CLVS2: variants seen among roughly 807,000 people sequenced by gnomAD.
CLVS2 encodes clavesin 2, also known as clavesin-2.
Under a neutral mutation model 29.0 loss-of-function variants are expected in CLVS2, and 19 were observed. The ratio of observed to expected loss-of-function variants is 0.66; its 90% CI spans 0.46 to 0.96. The LOEUF (loss-of-function observed/expected upper bound fraction) is 0.96. CLVS2 is among the 40% of genes least tolerant of loss of function. The probability of loss-of-function intolerance (pLI) is 0.00; values close to 1 mark genes in which losing one functional copy is unlikely to be tolerated. For synonymous variants in CLVS2, 161 were observed against 151.3 expected (o/e 1.06, Z -0.47); for missense variants, 294 against 404.1 (o/e 0.73, Z 2.34).
intron 3 of CLVS2, among the ~76,000 whole-genome samples, chr6:123,024,404 T>C (rs1431785943): frequency 2.6e-5 from 4 of 152,158 alleles, no homozygotes; most frequent in Admixed American, 1.3e-4. Context: ...ACATGATTAA[T>C]ATACACATAT....
chr6:123,068,725 A>AT lies in CLVS2; in HGVS notation c.*4969dup, dbSNP rs776404196. On this transcript the variant is annotated 3_prime_UTR_variant, in exon 6 of 6. Transcript: ENST00000275162. ...TTGCTATTTTACTCAAATGTTATTA[A>AT]TTTTTACTACTACAAACTACTTATT... is the stretch of plus-strand genomic sequence containing the variant. 2.0e-5 allele frequency: 3 copies of AT among 151,742 alleles called. No individual in the cohort carries two copies. Among genetic ancestry groups the AT allele is most frequent in the African/African-American group, 4.8e-5 (2 of 41,410 alleles). 9.4% of individuals were successfully genotyped at this position (151,742 alleles called of 1,614,324 possible). A position where few individuals can be genotyped will look rare whatever the true frequency, so the allele number is the denominator to read the frequency against.
chr6:123,017,875 G>A (rs1454148032), intron 3 of CLVS2, among the ~76,000 whole-genome samples: 1 of 151,990 alleles, frequency 6.6e-6, no homozygotes, highest in East Asian at 1.9e-4. Flanking sequence ...TCTAGTTGTA[G>A]GAAGCAGGTG....
chr6:123,018,156 A>G (rs1292240640), intron 3 of CLVS2, among the ~76,000 whole-genome samples: 1 of 152,146 alleles, frequency 6.6e-6, no homozygotes, highest in African/African-American at 2.4e-5. Context: ...TGAACAAAGC[A>G]TATGAACTAC....
intron 4 of CLVS2, among the ~76,000 whole-genome samples, chr6:123,049,112 G>T (rs561752586): frequency 5.9e-5 from 9 of 152,152 alleles, no homozygotes; most frequent in Non-Finnish European, 1.2e-4. Flanking sequence ...TTTTTTCACA[G>T]TATGTACCGC....
rs764182028 is a variant in CLVS2, at chr6:122,998,014, G to C, written c.237G>C (p.Arg79=). The part of the protein sequence containing the change: ...FRLLAQYFEY[R]QQNLDMFKSF... ...TCCTGGCGCAGTACTTTGAGTACCG[G>C]CAGCAGAACCTGGACATGTTCAAAA... The change falls in exon 2 of 6, where the codon CGG becomes CGC. Residue 79 remains arginine, a synonymous_variant. Transcript: ENST00000275162. 1.2e-6 allele frequency: 2 copies of C among 1,614,058 alleles called. No individual in the cohort carries two copies. Among genetic ancestry groups the C allele is most frequent in the African/African-American group, 2.7e-5 (2 of 74,922 alleles).
chr6:123,050,701 C>T (rs1392845401), intron 4 of CLVS2, among the ~76,000 whole-genome samples: 4 of 151,992 alleles, frequency 2.6e-5, no homozygotes, highest in East Asian at 1.9e-4. Context: ...TGTACCAGAT[C>T]GCACAGGGAC....
chr6:123,033,361 G>A (rs1294949197), intron 3 of CLVS2, among the ~76,000 whole-genome samples: 1 of 151,984 alleles, frequency 6.6e-6, no homozygotes, highest in Non-Finnish European at 1.5e-5. Flanking sequence ...AACTAACAAT[G>A]GGATAAACAT....
intron 3 of CLVS2, among the ~76,000 whole-genome samples, chr6:123,047,769 A>C (rs948565496): frequency 1.3e-5 from 2 of 151,940 alleles, no homozygotes; most frequent in African/African-American, 4.8e-5. Flanking sequence ...TTTAAAGAAG[A>C]CCTTTGTAGT....
intron 3 of CLVS2, among the ~76,000 whole-genome samples, chr6:123,028,447 C>T (rs977990207): frequency 1.3e-5 from 2 of 152,128 alleles, no homozygotes; most frequent in Admixed American, 6.6e-5. Flanking sequence ...ATTGCTTGAG[C>T]CCAAAAGTCC....
chr6:123,049,233 TA>T (rs1367016227), intron 4 of CLVS2, among the ~76,000 whole-genome samples: 5 of 152,172 alleles, frequency 3.3e-5, no homozygotes, highest in African/African-American at 1.2e-4. Context: ...AATATTTCTT[TA>T]AATTATATGT....
chr6:123,029,252 A>G (rs1775048110), intron 3 of CLVS2, among the ~76,000 whole-genome samples: 1 of 152,226 alleles, frequency 6.6e-6, no homozygotes, highest in South Asian at 2.1e-4. Flanking sequence ...AGTGTGGTAC[A>G]CATTTCCCAC....
chr6:123,034,862 C>G (rs898324501), intron 3 of CLVS2, among the ~76,000 whole-genome samples: 1 of 151,782 alleles, frequency 6.6e-6, no homozygotes, highest in South Asian at 2.1e-4. Context: ...TCAGTTTTTG[C>G]AACTTCCTGT....
chr6:123,041,972 A>C (rs556983629), intron 3 of CLVS2, among the ~76,000 whole-genome samples: 5 of 152,324 alleles, frequency 3.3e-5, no homozygotes, highest in Admixed American at 2.0e-4. Context: ...AATATTCTAA[A>C]AAAAGTTACC....
chr6:123,023,460 T>C (rs1346477467), intron 3 of CLVS2, among the ~76,000 whole-genome samples: 2 of 152,044 alleles, frequency 1.3e-5, no homozygotes, highest in East Asian at 3.9e-4. Flanking sequence ...AATTATCCCC[T>C]CCCTTTTCTT....
At chr6:123,056,883 A>C (rs545519357) in intron 5 of CLVS2, among the ~76,000 whole-genome samples, 1 of 152,294 alleles carries the variant, frequency 6.6e-6, no homozygotes, top group Non-Finnish European at 1.5e-5. Flanking sequence ...GGTACAAAAC[A>C]TTGTATTTCA....
chr6:122,996,896 T>G, intron 1 of CLVS2, 150 bp downstream of exon 1: 2 of 137,212 alleles, frequency 1.5e-5, no homozygotes, highest in South Asian at 2.6e-4. Flanking sequence ...TCCCTCCCCC[T>G]CCCCCCTTTT....
intron 5 of CLVS2, among the ~76,000 whole-genome samples, chr6:123,058,567 C>T (rs943584995): frequency 1.3e-5 from 2 of 152,216 alleles, no homozygotes; most frequent in African/African-American, 4.8e-5. Flanking sequence ...TGCTCCCCTA[C>T]TCCCAATTTA....
At chr6:123,006,999 A>G (rs1028825736) in intron 2 of CLVS2, among the ~76,000 whole-genome samples, 1 of 152,214 alleles carries the variant, frequency 6.6e-6, no homozygotes, top group Admixed American at 6.5e-5. Flanking sequence ...CACAGAACCA[A>G]ATAGAAGAGT....
intron 3 of CLVS2, among the ~76,000 whole-genome samples, chr6:123,029,236 T>G (rs902569756): frequency 6.6e-6 from 1 of 152,218 alleles, no homozygotes; most frequent in African/African-American, 2.4e-5. Flanking sequence ...CACTTGTGTT[T>G]TGATCAGTGT....
Sources: allele counts gnomAD v4.1 joint callset (sites outside exome capture counted in the v4.1 genomes callset), GRCh38; gene constraint gnomAD v4.1.1; transcripts MANE v1.5; gene names NCBI Gene and HGNC (gene_info 2026-07-23, HGNC 2026-07-21).